The following SLC35D1 variants were observed in gnomAD, a reference collection of about 807,000 sequenced individuals.
The protein encoded by SLC35D1 is solute carrier family 35 member D1.
A neutral mutation model predicts 46.7 loss-of-function variants in SLC35D1; 31 were observed. That is an observed-to-expected ratio of 0.66 (90% CI 0.50 to 0.90). SLC35D1 has a LOEUF of 0.90. Ranked by LOEUF, SLC35D1 falls within the 40% of genes least tolerant of loss-of-function variation. The pLI is 0.00. For synonymous variants in SLC35D1, 195 were observed against 164.6 expected, an observed-to-expected ratio of 1.18 and a Z score of -1.41; for missense variants, 397 against 426.2, an observed-to-expected ratio of 0.93 and a Z score of 0.60.
intron 8 of SLC35D1, 79 bp from the exon 9 acceptor site, chr1:67,021,681 C>T (rs1426082821): frequency 1.1e-5 from 12 of 1,115,694 alleles, no homozygotes; most frequent in African/African-American, 1.5e-5. Flanking sequence ...AATCCTTCTA[C>T]GAGTCTGCCT....
the SLC35D1 span, among the ~76,000 whole-genome samples, chr1:66,982,757 T>C: frequency 1.3e-5 from 2 of 152,042 alleles, no homozygotes; most frequent in Non-Finnish European, 2.9e-5. Flanking sequence ...CCTGCTGGAG[T>C]GTATATGCTT....
chr1:67,044,555 A>G (rs1032483287), intron 7 of SLC35D1, among the ~76,000 whole-genome samples: 6 of 152,248 alleles, frequency 3.9e-5, no homozygotes, highest in Non-Finnish European at 8.8e-5. Flanking sequence ...GCACACACAT[A>G]CACATACAAA....
intron 11 of SLC35D1, 65 bp from the exon 12 acceptor site, chr1:67,004,513 C>A: frequency 1.4e-6 from 2 of 1,428,964 alleles, no homozygotes; most frequent in South Asian, 1.2e-5. Flanking sequence ...ACACTCTACT[C>A]AGTAAAAAAA....
In SLC35D1 at chr1:67,020,435, C is replaced by T; in HGVS notation, c.810G>A (p.Met270Ile). Residue 270 changes from methionine to isoleucine, a missense_variant, in exon 10 of 12, where the codon ATG becomes ATA. Transcript: ENST00000235345. ...ACTGCGTGCAGAGTACTGTGGCGTA[C>T]ATTAAGATAAACCTAGAATGAAGAA... ...TLSCVMGFIL[M>I]YATVLCTQYN... 9.3e-6 allele frequency: 15 copies of T among 1,607,236 alleles called. No individual in the cohort carries two copies. Among genetic ancestry groups the T allele is most frequent in the Non-Finnish European group, 1.3e-5 (15 of 1,173,888 alleles).
intron 10 of SLC35D1, among the ~76,000 whole-genome samples, chr1:67,010,922 G>A (rs1175245075): frequency 2.0e-5 from 3 of 151,880 alleles, no homozygotes; most frequent in Non-Finnish European, 2.9e-5. Context: ...TACACTGACT[G>A]TAGCCAGGCC....
chr1:67,016,582 C>T (rs1435587472), intron 10 of SLC35D1, among the ~76,000 whole-genome samples: 1 of 151,964 alleles, frequency 6.6e-6, no homozygotes, highest in Admixed American at 6.6e-5. Context: ...AAAAAAAATG[C>T]TGTGTTTTCC....
intron 8 of SLC35D1, among the ~76,000 whole-genome samples, chr1:67,026,676 T>G (rs1190952989): frequency 6.6e-6 from 1 of 152,182 alleles, no homozygotes; most frequent in African/African-American, 2.4e-5. Context: ...GGCTTATGAT[T>G]AATTTCAATT....
At chr1:67,017,822 C>A (rs1667717034) in intron 10 of SLC35D1, among the ~76,000 whole-genome samples, 1 of 152,284 alleles carries the variant, frequency 6.6e-6, no homozygotes, top group South Asian at 2.1e-4. Context: ...TTAATCCATT[C>A]TTAGGACTAT....
intron 8 of SLC35D1, among the ~76,000 whole-genome samples, chr1:67,035,743 C>G (rs1364174991): frequency 6.7e-6 from 1 of 150,000 alleles, no homozygotes; most frequent in Non-Finnish European, 1.5e-5. Context: ...GTTTGGAACC[C>G]AAAAGAACTT....
chr1:67,019,512 T>C lies in SLC35D1; in HGVS notation c.876+857A>G, dbSNP rs1256115403. Among the ~76,000 whole-genome samples the C allele has an allele frequency of 3.3e-5, 5 of 152,284 alleles. No individual in the cohort carries two copies. In the East Asian group the frequency reaches 9.6e-4, roughly 29 times the overall value. ...ACCCAATCTAGTCTCTAAACTGAGA[T>C]CAGGTGGGCACCACTCTATTGAGAC... On this transcript the variant is annotated intron_variant, in intron 10 of 11. Coordinates refer to ENST00000235345, the MANE Select transcript of SLC35D1 (RefSeq NM_015139.3).
In SLC35D1 at chr1:67,001,179, C is replaced by T. The variant is rs1558146628; in HGVS notation, c.*3161G>A. 6.6e-6 allele frequency: 1 copy of T among 152,450 alleles called. No individual in the cohort carries two copies. The highest frequency in any genetic ancestry group is 1.9e-4 in the East Asian group (1 of 5,318). The allele number at this position is 152,450 out of a possible 1,614,324, so 9.4% of individuals were successfully genotyped here. On this transcript the variant is annotated 3_prime_UTR_variant, in exon 12 of 12. Coordinates refer to ENST00000235345, the MANE Select transcript of SLC35D1 (RefSeq NM_015139.3). ...TATCAAGTAAGGCAGGCCCAAAGTC[C>T]TGGGGTGCCATTTCAAACCAACTCA... is the stretch of plus-strand genomic sequence containing the variant.
At chr1:67,005,701 A>G (rs1667434345) in intron 11 of SLC35D1, among the ~76,000 whole-genome samples, 1 of 152,192 alleles carries the variant, frequency 6.6e-6, no homozygotes, top group Admixed American at 6.5e-5. Flanking sequence ...TCCCAGAGTC[A>G]TAAGATAAAT....
the SLC35D1 span, among the ~76,000 whole-genome samples, chr1:66,992,779 G>T: frequency 6.6e-6 from 1 of 152,184 alleles, no homozygotes; most frequent in South Asian, 2.1e-4. Context: ...GGGTTTATTT[G>T]GCTACAACAG....
the SLC35D1 span, among the ~76,000 whole-genome samples, chr1:66,976,320 A>G: frequency 1.3e-5 from 2 of 152,184 alleles, no homozygotes; most frequent in African/African-American, 4.8e-5. Flanking sequence ...AGCATTTTTA[A>G]TACAGGAATA....
intron 8 of SLC35D1, among the ~76,000 whole-genome samples, chr1:67,024,485 C>T (rs924106051): frequency 6.6e-6 from 1 of 152,164 alleles, no homozygotes; most frequent in Non-Finnish European, 1.5e-5. Flanking sequence ...CAAAGCACCA[C>T]AAAACTGAGT....
intron 7 of SLC35D1, 35 bp from the exon 8 acceptor site, chr1:67,042,363 T>C: frequency 6.3e-7 from 1 of 1,580,894 alleles, no homozygotes; most frequent in South Asian, 1.1e-5. Flanking sequence ...TTCATCTGCG[T>C]TTTGTTCTAG....
rs1667336976 is a variant in SLC35D1 at position 67,001,355 on chromosome 1, A to AT, written c.*2984dup. The AT allele has an allele frequency of 1.3e-5, 2 of 152,300 alleles. No homozygotes were observed. Among genetic ancestry groups the AT allele is most frequent in the East Asian group, 3.7e-4 (2 of 5,336 alleles). The allele number at this position is 152,300 out of a possible 1,614,324, so 9.4% of individuals were successfully genotyped here. ...AGGTGCAAACTGGAGCCTACAAATG[A>AT]TTGACTCATAAAGTCCACAGCCACA... On this transcript the variant is annotated 3_prime_UTR_variant, in exon 12 of 12. Coordinates refer to ENST00000235345, the MANE Select transcript of SLC35D1 (RefSeq NM_015139.3).
At chr1:67,020,318 C>T (rs374553751) in intron 10 of SLC35D1, 51 bp downstream of exon 10, 2 of 1,223,814 alleles carry the variant, frequency 1.6e-6, no homozygotes, top group African/African-American at 1.5e-5. Context: ...CTTAAAGGAA[C>T]AATTTTCAAA....
chr1:66,998,734 G>T (rs1667272165), downstream of SLC35D1, among the ~76,000 whole-genome samples: 1 of 152,156 alleles, frequency 6.6e-6, no homozygotes. Flanking sequence ...AAATAAGCCA[G>T]CCACAAAAAG....
Sources: gnomAD v4.1 joint callset for allele counts (sites outside exome capture counted in the v4.1 genomes callset) on GRCh38, gnomAD v4.1.1 for gene constraint, MANE v1.5 for transcripts, NCBI Gene and HGNC (gene_info 2026-07-23, HGNC 2026-07-21) for gene names.